ANKFY1: variants seen among roughly 807,000 people sequenced by gnomAD.
ANKFY1 encodes ankyrin repeat and FYVE domain-containing protein 1.
ANKFY1 carries 47 observed loss-of-function variants against 128.3 expected under a neutral mutation model. The ratio of observed to expected loss-of-function variants is 0.37; its 90% CI spans 0.29 to 0.47. The LOEUF (loss-of-function observed/expected upper bound fraction) is 0.47, where lower values mean the gene tolerates loss of function less well. Ranked by LOEUF, ANKFY1 falls within the 20% of genes least tolerant of loss-of-function variation. The pLI, the probability that ANKFY1 is intolerant of heterozygous loss-of-function variation, is 1.00. For missense variants in ANKFY1, 1,222 were observed against 1,510.6 expected, an observed-to-expected ratio of 0.81 and a Z score of 3.17; for synonymous variants, 553 against 601.6, an observed-to-expected ratio of 0.92 and a Z score of 1.18.
intron 7 of ANKFY1, among the ~76,000 whole-genome samples, chr17:4,199,826 A>G (rs2059895140): frequency 6.6e-6 from 1 of 152,240 alleles, no homozygotes; most frequent in Non-Finnish European, 1.5e-5. Context: ...TAAGATTAAA[A>G]GTTCAGTCTT....
chr17:4,178,833 G>A lies in ANKFY1; in HGVS notation c.2598+24C>T. ...TCCGCGACGCCCAGGACCATGTGGA[G>A]AAGGTCAGGTGTTATTCACTCACCT... On this transcript the variant is annotated intron_variant, in intron 18 of 24. Coordinates refer to ENST00000341657, the MANE Select transcript of ANKFY1 (RefSeq NM_001330063.2). The surrounding 1 kb of genome is among the most constrained non-coding windows in gnomAD (Gnocchi z 4.1). The A allele has an allele frequency of 1.2e-6, 2 of 1,609,602 alleles. No homozygotes were observed. The highest frequency in any genetic ancestry group is 2.2e-5 in the South Asian group (2 of 90,946).
intron 11 of ANKFY1, 23 bp downstream of exon 11, chr17:4,189,359 T>G (rs1425054802): frequency 2.6e-6 from 4 of 1,543,846 alleles, no homozygotes; most frequent in Non-Finnish European, 3.5e-6. Flanking sequence ...CACCATTTTC[T>G]CCGGCTGCCC....
intron 11 of ANKFY1, among the ~76,000 whole-genome samples, chr17:4,185,899 G>A (rs1022012374): frequency 3.9e-5 from 6 of 152,062 alleles, no homozygotes; most frequent in African/African-American, 9.7e-5. Context: ...TGTGGCCGTC[G>A]CTTCTTCTTT....
chr17:4,192,694 T>C (rs955894968), intron 10 of ANKFY1, among the ~76,000 whole-genome samples: 6 of 152,220 alleles, frequency 3.9e-5, no homozygotes, highest in Non-Finnish European at 8.8e-5. Context: ...TTAAATTCTA[T>C]ATCTCCCAAT....
At position 4,181,458 on chromosome 17, in the gene ANKFY1, T is replaced by C; in HGVS notation, c.2122-86A>G. ...CAAGTCTGAGCTCTATGTATAGCAT[T>C]AAATCCACTTTCAGATAAGATACGG... is the stretch of plus-strand genomic sequence containing the variant. On this transcript the variant is annotated intron_variant, in intron 15 of 24. Transcript: ENST00000341657. The surrounding 1 kb of genome is among the most constrained non-coding windows in gnomAD (Gnocchi z 4.9). 1.2e-6 allele frequency: 1 copy of C among 850,122 alleles called. No individual in the cohort carries two copies. The highest frequency in any genetic ancestry group is 2.0e-6 in the Non-Finnish European group (1 of 502,300). 52.7% of individuals were successfully genotyped at this position (850,122 alleles called of 1,614,324 possible).
chr17:4,178,816 G>A lies in ANKFY1; in HGVS notation c.2598+41C>T, dbSNP rs113281322. On this transcript the variant is annotated intron_variant, in intron 18 of 24. Transcript: ENST00000341657. The surrounding 1 kb of genome is among the most constrained non-coding windows in gnomAD (Gnocchi z 4.1). ...CTGTCTAGTCTCCAGGTTCCGCGACGCCCAGGACCATGTGGAGAAGGTCAG... is the reference window on the plus strand; with the variant it reads ...CTGTCTAGTCTCCAGGTTCCGCGACACCCAGGACCATGTGGAGAAGGTCAG... The A allele has an allele frequency of 1.2e-3, 1,878 of 1,594,132 alleles. 12 individuals carry two copies. In the African/African-American group the frequency reaches 0.022, roughly 18 times the overall value.
chr17:4,195,490 G>A lies in ANKFY1; in HGVS notation c.1104-19C>T. 1 of 1,611,646 alleles carries A rather than the reference G, an allele frequency of 6.2e-7. No homozygotes were observed. Among genetic ancestry groups the A allele is most frequent in the Non-Finnish European group, 8.5e-7 (1 of 1,177,814 alleles). On this transcript the variant is annotated intron_variant, in intron 8 of 24. Coordinates refer to ENST00000341657, the MANE Select transcript of ANKFY1 (RefSeq NM_001330063.2). ...AGGAGTCCTGCGGGATCCAAAAGAA[G>A]AGGGGTCAGTTCAGGACAGGCCTGT...
In ANKFY1 at chr17:4,182,138, T is replaced by C. The variant is rs201438694; in HGVS notation, c.2121+43A>G. 6.6e-5 allele frequency: 93 copies of C among 1,415,160 alleles called. No individual in the cohort carries two copies. The East Asian group carries it at 2.4e-3, about 36-fold the overall frequency. The allele number at this position is 1,415,160 out of a possible 1,614,324, so 87.7% of individuals were successfully genotyped here. ...CAGCAGATCCATCTCTGACACAACA[T>C]ATCCCCATCTGTAAACAGAGGCTAA... On this transcript the variant is annotated intron_variant, in intron 15 of 24. Transcript: ENST00000341657.
At position 4,167,126 on chromosome 17, in the gene ANKFY1, C is replaced by T. The variant is rs558195368; in HGVS notation, c.*653G>A. ...CGGCCCAGCTGCACTCCTGACACCT[C>T]AGTAGCATGAACACTGTAAAGCTTT... is the stretch of plus-strand genomic sequence containing the variant. On this transcript the variant is annotated 3_prime_UTR_variant, in exon 25 of 25. Coordinates refer to ENST00000341657, the MANE Select transcript of ANKFY1 (RefSeq NM_001330063.2). The surrounding 1 kb of genome is among the most constrained non-coding windows in gnomAD (Gnocchi z 4.1). 1 of 152,720 alleles carries T rather than the reference C, an allele frequency of 6.5e-6. No homozygotes were observed. Among genetic ancestry groups the T allele is most frequent in the East Asian group, 1.9e-4 (1 of 5,174 alleles). The allele number at this position is 152,720 out of a possible 1,614,324, so 9.5% of individuals were successfully genotyped here. A position where few individuals can be genotyped will look rare whatever the true frequency, so the allele number is the denominator to read the frequency against.
chr17:4,236,034 C>G, intron 2 of ANKFY1, 144 bp from the exon 3 acceptor site: 2 of 616,862 alleles, frequency 3.2e-6, no homozygotes, highest in Non-Finnish European at 5.8e-6. Flanking sequence ...TTCCTATATG[C>G]TAGCACTGAA....
Position 4,180,591 on chromosome 17 carries a change from G to A in ANKFY1, c.2240+663C>T, listed in dbSNP as rs563726622. Among the ~76,000 whole-genome samples, 265 of 150,148 alleles carry A rather than the reference G, an allele frequency of 1.8e-3. 2 individuals are homozygous for A. Among genetic ancestry groups the A allele is most frequent in the African/African-American group, 6.0e-3 (243 of 40,816 alleles). On this transcript the variant is annotated intron_variant, in intron 16 of 24. Transcript: ENST00000341657. ...ATCCTGGCTAACATGGTGAAACCCCGTCTCTACTAAAAATACAAAAAAAAA... is the reference window on the plus strand; with the variant it reads ...ATCCTGGCTAACATGGTGAAACCCCATCTCTACTAAAAATACAAAAAAAAA...
intron 7 of ANKFY1, among the ~76,000 whole-genome samples, chr17:4,200,352 C>G (rs537025741): frequency 5.3e-5 from 8 of 152,262 alleles, no homozygotes; most frequent in African/African-American, 1.9e-4. Flanking sequence ...GCGTGAGCCA[C>G]GGCACCTGGC....
chr17:4,215,646 A>G (rs1030666108), intron 4 of ANKFY1, among the ~76,000 whole-genome samples: 3 of 152,184 alleles, frequency 2.0e-5, no homozygotes, highest in African/African-American at 7.2e-5. Flanking sequence ...TAACAATACA[A>G]AATTAAGCAT....
chr17:4,189,392 C>T lies in ANKFY1; in HGVS notation c.1460G>A (p.Arg487Lys). 1 of 1,583,866 alleles carries T rather than the reference C, an allele frequency of 6.3e-7. No homozygotes were observed. Among genetic ancestry groups the T allele is most frequent in the Admixed American group, 1.7e-5 (1 of 57,284 alleles). Reference protein sequence around the residue: ...LATNGAHVNHRNKWGETPLHT... With the variant: ...LATNGAHVNHKNKWGETPLHT... ...CCCTGTCACACTTACCCACTTGTTT[C>T]TGTGGTTGACATGGGCACCGTTGGT... The change falls in exon 11 of 25, where the codon AGA becomes AAA. Residue 487 changes from arginine to lysine, a missense_variant. Coordinates refer to ENST00000341657, the MANE Select transcript of ANKFY1 (RefSeq NM_001330063.2).
rs761229750 is a variant in ANKFY1, at chr17:4,263,918, CA to C, written c.10+13del. 7 of 1,613,884 alleles carry C rather than the reference CA, an allele frequency of 4.3e-6. No homozygotes were observed. Among genetic ancestry groups the C allele is most frequent in the Non-Finnish European group, 5.9e-6 (7 of 1,179,900 alleles). On this transcript the variant is annotated intron_variant, in intron 1 of 24. Transcript: ENST00000341657. ...CTCCGTGTCTTCCCGCGCGGCTCCACAAAAAAACCCTACCTTCCGCCATGTC... is the reference window on the plus strand; with the variant it reads ...CTCCGTGTCTTCCCGCGCGGCTCCACAAAAAACCCTACCTTCCGCCATGTC...
At chr17:4,191,011 G>T (rs1213490940) in intron 10 of ANKFY1, among the ~76,000 whole-genome samples, 2 of 152,100 alleles carry the variant, frequency 1.3e-5, no homozygotes, top group African/African-American at 2.4e-5. Context: ...GGTGGCACAT[G>T]CCTGTAATCT....
intron 3 of ANKFY1, chr17:4,222,648 A>C: frequency 1.0e-6 from 1 of 953,274 alleles, no homozygotes; most frequent in Non-Finnish European, 1.7e-6. Flanking sequence ...ATTTTAAACC[A>C]AGGAAAATGT....
chr17:4,221,203 A>G (rs2060305552), intron 3 of ANKFY1, among the ~76,000 whole-genome samples: 1 of 152,202 alleles, frequency 6.6e-6, no homozygotes, highest in Admixed American at 6.5e-5. Flanking sequence ...ATACTGAGTA[A>G]ACTGACTTTG....
Position 4,231,935 on chromosome 17 carries a change from T to TA in ANKFY1, c.322+3836dup, listed in dbSNP as rs773041555. Among the ~76,000 whole-genome samples, 1,120 of 125,200 alleles carry TA rather than the reference T, an allele frequency of 8.9e-3. 9 individuals carry two copies. The highest frequency in any genetic ancestry group is 0.027 in the African/African-American group (901 of 33,816). 82.1% of individuals were successfully genotyped at this position (125,200 alleles called of 152,430 possible). A position where few individuals can be genotyped will look rare whatever the true frequency, so the allele number is the denominator to read the frequency against. ...CTGGGTGACAGAGTGAAATCCTGTT[T>TA]AAAAAAAAAAAAAAAAGAAAGAAAG... On this transcript the variant is annotated intron_variant, in intron 3 of 24. Transcript: ENST00000341657.
Sources: allele counts gnomAD v4.1 joint callset (sites outside exome capture counted in the v4.1 genomes callset), GRCh38; gene constraint gnomAD v4.1.1; non-coding constraint Gnocchi (gnomAD v3.1); transcripts MANE v1.5; gene names NCBI Gene and HGNC (gene_info 2026-07-23, HGNC 2026-07-21).